Variants in PRKCB observed in about 807,000 individuals in gnomAD.
PRKCB encodes the protein protein kinase C beta type.
Under a neutral mutation model 81.5 loss-of-function variants are expected in PRKCB, and 13 were observed. The observed-to-expected ratio is 0.16, with a 90% CI of 0.10 to 0.25. The LOEUF (loss-of-function observed/expected upper bound fraction) is 0.25. Among genes scored for constraint, PRKCB ranks in the 10% least tolerant of loss-of-function variants. The pLI, the probability that PRKCB is intolerant of heterozygous loss-of-function variation, is 1.00. For missense variants in PRKCB, 509 were observed against 875.7 expected (o/e 0.58, Z 5.29); for synonymous variants, 335 against 321.4 (o/e 1.04, Z -0.45).
In PRKCB at chr16:24,061,251, G is replaced by A. The variant is rs545117002; in HGVS notation, c.529+25704G>A. On this transcript the variant is annotated intron_variant, in intron 5 of 16. Transcript: ENST00000643927. The stretch of plus-strand genomic sequence containing the variant: ...AATTTTTGTATTTTTAGTAGAGACG[G>A]GGTTTTGCCATGTTGGCCAGGCTGA... 9.2e-5 allele frequency among the ~76,000 whole-genome samples: 14 copies of A among 152,164 alleles called. No individual in the cohort carries two copies. In the South Asian group the frequency reaches 2.9e-3, roughly 32 times the overall value.
At position 24,214,979 on chromosome 16, in the gene PRKCB, G is replaced by A. The variant is rs751061416; in HGVS notation, c.*163G>A. ...CCCAAATGTCCTCAGGTAGTTTGGA[G>A]CATCTCTATGAGATGGGATTATGCA... On this transcript the variant is annotated 3_prime_UTR_variant, in exon 17 of 17. Transcript: ENST00000643927. 1.7e-4 allele frequency: 250 copies of A among 1,448,380 alleles called. No individual in the cohort carries two copies. Among genetic ancestry groups the A allele is most frequent in the Non-Finnish European group, 2.1e-4 (235 of 1,105,878 alleles). The allele number at this position is 1,448,380 out of a possible 1,614,324, so 89.7% of individuals were successfully genotyped here.
chr16:23,965,282 G>C (rs1416709795), intron 2 of PRKCB, among the ~76,000 whole-genome samples: 1 of 152,242 alleles, frequency 6.6e-6, no homozygotes. Context: ...ACTTAGGATA[G>C]TGGCCTCCAG....
At chr16:23,939,581 A>G (rs1964111018) in intron 2 of PRKCB, among the ~76,000 whole-genome samples, 1 of 152,210 alleles carries the variant, frequency 6.6e-6, no homozygotes, top group African/African-American at 2.4e-5. Context: ...ATTTTTGACA[A>G]AGGCACAAAA....
At chr16:24,070,132 G>A (rs559009139) in intron 5 of PRKCB, among the ~76,000 whole-genome samples, 9 of 151,772 alleles carry the variant, frequency 5.9e-5, no homozygotes, top group Admixed American at 2.0e-4. Context: ...TTTTCATCTT[G>A]CAGGAAACCA....
intron 3 of PRKCB, among the ~76,000 whole-genome samples, chr16:24,019,198 C>T (rs1226868822): frequency 8.2e-5 from 12 of 147,168 alleles, no homozygotes; most frequent in African/African-American, 3.0e-4. Context: ...GTGTATCCTG[C>T]CAGAGGTGTA....
At chr16:23,881,008 C>G (rs1158615782) in intron 2 of PRKCB, among the ~76,000 whole-genome samples, 1 of 152,066 alleles carries the variant, frequency 6.6e-6, no homozygotes, top group Non-Finnish European at 1.5e-5. Flanking sequence ...TTCCATTTCT[C>G]ACTGTTACAA....
At chr16:23,871,971 G>A (rs953583616) in intron 2 of PRKCB, among the ~76,000 whole-genome samples, 4 of 151,662 alleles carry the variant, frequency 2.6e-5, no homozygotes, top group African/African-American at 9.7e-5. Context: ...GTCCTTGCCT[G>A]TCTTGTTCTC....
chr16:23,967,176 T>C (rs781357330), intron 2 of PRKCB, among the ~76,000 whole-genome samples: 8 of 152,294 alleles, frequency 5.3e-5, no homozygotes, highest in East Asian at 1.9e-4. Context: ...GGGCGCCTCC[T>C]CCCTCTCCTG....
intron 2 of PRKCB, among the ~76,000 whole-genome samples, chr16:23,847,376 CTGTCCATCTATCTATCT>C: frequency 1.5e-4 from 1 of 6,880 alleles, no homozygotes; most frequent in East Asian, 0.031. Flanking sequence ...ATCTATCTAT[CTGTCCATCTATCTATCT>C]ATCCATCCAT....
intron 2 of PRKCB, among the ~76,000 whole-genome samples, chr16:23,960,260 T>A (rs922009420): frequency 2.0e-5 from 3 of 152,184 alleles, no homozygotes; most frequent in Non-Finnish European, 4.4e-5. Context: ...ATTATACCCA[T>A]ACCTCCTTGT....
chr16:23,905,654 G>A (rs909592220), intron 2 of PRKCB, among the ~76,000 whole-genome samples: 1 of 152,154 alleles, frequency 6.6e-6, no homozygotes, highest in Non-Finnish European at 1.5e-5. Flanking sequence ...TTTTCTTCCA[G>A]TAATTTTCCA....
intron 2 of PRKCB, among the ~76,000 whole-genome samples, chr16:23,871,858 GTTT>G (rs61498403): frequency 0.15 from 22,086 of 146,494 alleles, 2,033 homozygotes; most frequent in South Asian, 0.26. Context: ...AGTTATACAG[GTTT>G]TTTTTTTTTT....
chr16:23,906,490 T>A (rs905339719), intron 2 of PRKCB, among the ~76,000 whole-genome samples: 22 of 152,222 alleles, frequency 1.4e-4, no homozygotes, highest in African/African-American at 5.3e-4. Context: ...ATGGATTTTT[T>A]AAACTCTGTA....
chr16:24,214,983 C>T lies in PRKCB; in HGVS notation c.*167C>T, dbSNP rs915391186. The T allele has an allele frequency of 1.4e-6, 2 of 1,445,460 alleles. No homozygotes were observed. Among genetic ancestry groups the T allele is most frequent in the African/African-American group, 2.8e-5 (2 of 70,224 alleles). The allele number at this position is 1,445,460 out of a possible 1,614,324, so 89.5% of individuals were successfully genotyped here. A position where few individuals can be genotyped will look rare whatever the true frequency, so the allele number is the denominator to read the frequency against. On this transcript the variant is annotated 3_prime_UTR_variant, in exon 17 of 17. Transcript: ENST00000643927. ...AATGTCCTCAGGTAGTTTGGAGCAT[C>T]TCTATGAGATGGGATTATGCAGATG...
chr16:24,149,757 T>A (rs994624153), intron 9 of PRKCB, among the ~76,000 whole-genome samples: 1 of 152,236 alleles, frequency 6.6e-6, no homozygotes, highest in Admixed American at 6.5e-5. Context: ...ACTGACATGA[T>A]GCTACTTGGC....
intron 10 of PRKCB, among the ~76,000 whole-genome samples, chr16:24,167,394 T>C (rs1046433708): frequency 6.6e-6 from 1 of 152,106 alleles, no homozygotes; most frequent in Non-Finnish European, 1.5e-5. Flanking sequence ...ACCCTGTCTC[T>C]ACAAAAAATA....
intron 3 of PRKCB, among the ~76,000 whole-genome samples, chr16:24,011,908 T>C (rs1247761257): frequency 6.6e-6 from 1 of 152,154 alleles, no homozygotes; most frequent in Non-Finnish European, 1.5e-5. Flanking sequence ...TGCAAAGAGG[T>C]TAAAACAGTG....
intron 2 of PRKCB, among the ~76,000 whole-genome samples, chr16:23,886,352 C>T (rs1337568180): frequency 4.0e-5 from 6 of 149,482 alleles, no homozygotes; most frequent in East Asian, 2.0e-4. Context: ...AAACATTCAA[C>T]GTCATCTTTA....
intron 2 of PRKCB, among the ~76,000 whole-genome samples, chr16:23,986,819 C>A (rs1964809822): frequency 6.6e-6 from 1 of 152,062 alleles, no homozygotes; most frequent in Admixed American, 6.6e-5. Flanking sequence ...GTATGCATCA[C>A]CCAGTTCAAT....
Sources: gnomAD v4.1 joint callset for allele counts (sites outside exome capture counted in the v4.1 genomes callset) on GRCh38, gnomAD v4.1.1 for gene constraint, MANE v1.5 for transcripts, NCBI Gene and HGNC (gene_info 2026-07-23, HGNC 2026-07-21) for gene names.